The following TIAM2 variants were observed in gnomAD, a reference collection of about 807,000 sequenced individuals.
TIAM2 encodes TIAM Rac1 associated GEF 2.
TIAM2 carries 80 observed loss-of-function variants against 152.9 expected under a neutral mutation model. The observed-to-expected ratio is 0.52, with a 90% CI of 0.44 to 0.63. The LOEUF (loss-of-function observed/expected upper bound fraction) is 0.63. Among genes scored for constraint, TIAM2 ranks in the 30% least tolerant of loss-of-function variants. TIAM2 has a pLI of 0.00. For missense variants in TIAM2, 1,965 were observed against 2,120.1 expected (o/e 0.93, Z 1.44); for synonymous variants, 804 against 838.0 (o/e 0.96, Z 0.70).
intron 2 of TIAM2, among the ~76,000 whole-genome samples, chr6:155,107,026 G>C (rs1778709129): frequency 6.6e-6 from 1 of 152,192 alleles, no homozygotes; most frequent in South Asian, 2.1e-4. Context: ...TGAAGTGTTA[G>C]ACACTGTTTC....
chr6:155,161,181 G>A (rs1228854453), intron 7 of TIAM2, among the ~76,000 whole-genome samples: 1 of 151,558 alleles, frequency 6.6e-6, no homozygotes, highest in Non-Finnish European at 1.5e-5. Context: ...ATCCCTGTGT[G>A]CTCATTCCCG....
rs568358408 is a variant in TIAM2 at position 155,253,245 on chromosome 6, C to T, written c.4225+192C>T. 134 of 513,840 alleles carry T rather than the reference C, an allele frequency of 2.6e-4. No homozygotes were observed. In the South Asian group the frequency reaches 4.5e-3, roughly 17 times the overall value. The allele number at this position is 513,840 out of a possible 1,614,324, so 31.8% of individuals were successfully genotyped here. ...GGAGAAACTAAATGCTGGTGGATAGCTTTTTCTTTGCCAAATGCCTTTCAT... is the reference window on the plus strand; with the variant it reads ...GGAGAAACTAAATGCTGGTGGATAGTTTTTTCTTTGCCAAATGCCTTTCAT... On this transcript the variant is annotated intron_variant, in intron 24 of 26. Coordinates refer to ENST00000682666, the MANE Select transcript of TIAM2 (RefSeq NM_012454.4).
intron 4 of TIAM2, among the ~76,000 whole-genome samples, chr6:155,130,857 T>A (rs1312729081): frequency 6.6e-6 from 1 of 152,126 alleles, no homozygotes; most frequent in African/African-American, 2.4e-5. Flanking sequence ...TTCCTCTTCT[T>A]ATAAGGACCC....
At chr6:155,140,073 A>G (rs988260465) in intron 5 of TIAM2, among the ~76,000 whole-genome samples, 1 of 152,234 alleles carries the variant, frequency 6.6e-6, no homozygotes, top group Non-Finnish European at 1.5e-5. Context: ...AGCAAATGTG[A>G]TCTTTAGCTA....
intron 15 of TIAM2, among the ~76,000 whole-genome samples, chr6:155,236,017 A>G (rs1322733219): frequency 6.6e-6 from 1 of 152,072 alleles, no homozygotes; most frequent in African/African-American, 2.4e-5. Context: ...AGCCCTGGGA[A>G]CTGTTAGTTT....
intron 7 of TIAM2, among the ~76,000 whole-genome samples, chr6:155,161,257 G>T (rs763646856): frequency 6.6e-6 from 1 of 152,118 alleles, no homozygotes; most frequent in African/African-American, 2.4e-5. Flanking sequence ...CACATTGTTG[G>T]CTCACTGCAA....
intron 1 of TIAM2, among the ~76,000 whole-genome samples, chr6:155,072,471 G>A (rs985257429): frequency 2.0e-5 from 3 of 152,176 alleles, no homozygotes; most frequent in Non-Finnish European, 2.9e-5. Flanking sequence ...GGAGAAGCAA[G>A]CCTAGGGTAA....
At chr6:155,137,102 A>G (rs1779572796) in intron 4 of TIAM2, 75 bp from the exon 5 acceptor site, 1 of 1,485,526 alleles carries the variant, frequency 6.7e-7, no homozygotes, top group Non-Finnish European at 9.1e-7. Flanking sequence ...CTGGTATTAC[A>G]CTTATGCTGT....
At position 155,028,061 on chromosome 6, in the gene TIAM2, CTA is replaced by C. The variant is rs529566468; in HGVS notation, c.-209+32576_-209+32577del. On this transcript the variant is annotated intron_variant, in intron 1 of 26. Coordinates refer to ENST00000682666, the MANE Select transcript of TIAM2 (RefSeq NM_012454.4). ...ATATATGTACTGTGTTACATATATA[CTA>C]TATATAATATATGTACTGTGTTACA... Among the ~76,000 whole-genome samples, 15 of 117,522 alleles carry C rather than the reference CTA, an allele frequency of 1.3e-4. No homozygotes were observed. The East Asian group carries it at 3.2e-3, about 25-fold the overall frequency. The allele number at this position is 117,522 out of a possible 152,430, so 77.1% of individuals were successfully genotyped here.
At chr6:155,108,768 T>C (rs67991370) in intron 2 of TIAM2, among the ~76,000 whole-genome samples, 17,332 of 151,916 alleles carry the variant, frequency 0.11, 1,104 homozygotes, top group East Asian at 0.26. Context: ...TCTGAGATTG[T>C]GTTTGAGCAG....
intron 1 of TIAM2, among the ~76,000 whole-genome samples, chr6:155,032,625 C>G (rs777554017): frequency 6.6e-6 from 1 of 152,164 alleles, no homozygotes; most frequent in African/African-American, 2.4e-5. Flanking sequence ...ACTGCAACCT[C>G]TACCTCCCGG....
chr6:155,150,041 G>A (rs1031470365), intron 7 of TIAM2, among the ~76,000 whole-genome samples: 1 of 151,398 alleles, frequency 6.6e-6, no homozygotes, highest in South Asian at 2.1e-4. Context: ...ATTGGCAATA[G>A]CAAAATAACC....
chr6:155,112,642 G>A (rs1016621319), intron 2 of TIAM2, among the ~76,000 whole-genome samples: 2 of 152,038 alleles, frequency 1.3e-5, no homozygotes, highest in Non-Finnish European at 2.9e-5. Flanking sequence ...ACTCCAGACT[G>A]GTATTACCAC....
Position 155,066,073 on chromosome 6 carries a change from C to A in TIAM2, c.-208-24216C>A, listed in dbSNP as rs137896990. Among the ~76,000 whole-genome samples, 7 of 152,300 alleles carry A rather than the reference C, an allele frequency of 4.6e-5. No homozygotes were observed. The East Asian group carries it at 1.4e-3, about 29-fold the overall frequency. On this transcript the variant is annotated intron_variant, in intron 1 of 26. Coordinates refer to ENST00000682666, the MANE Select transcript of TIAM2 (RefSeq NM_012454.4). ...CTCTAACTCCACTCTGAAGCCTTCCCGGAAAAATGGGCTGTTTCTCCGCCA... is the reference window on the plus strand; with the variant it reads ...CTCTAACTCCACTCTGAAGCCTTCCAGGAAAAATGGGCTGTTTCTCCGCCA...
At chr6:155,061,925 G>A (rs1468017516) in intron 1 of TIAM2, among the ~76,000 whole-genome samples, 2 of 152,152 alleles carry the variant, frequency 1.3e-5, no homozygotes, top group African/African-American at 4.8e-5. Flanking sequence ...CCACAGTGCT[G>A]TACTGAACAG....
intron 5 of TIAM2, among the ~76,000 whole-genome samples, chr6:155,140,995 T>C (rs1042520375): frequency 6.6e-6 from 1 of 152,198 alleles, no homozygotes; most frequent in African/African-American, 2.4e-5. Context: ...ATTGGCAGCT[T>C]CCTGTATTTT....
At chr6:155,028,865 CTATCTATACTATGT>C (rs1562294670) in intron 1 of TIAM2, among the ~76,000 whole-genome samples, 1 of 66,692 alleles carries the variant, frequency 1.5e-5, no homozygotes. Flanking sequence ...ACTGTATATA[CTATCTATACTATGT>C]TATATATACA....
chr6:155,200,440 C>T (rs1781449796), intron 14 of TIAM2, among the ~76,000 whole-genome samples: 1 of 152,118 alleles, frequency 6.6e-6, no homozygotes, highest in African/African-American at 2.4e-5. Flanking sequence ...ACCCTGACTT[C>T]CTTATCTTCT....
intron 1 of TIAM2, among the ~76,000 whole-genome samples, chr6:155,028,893 T>A (rs1345386870): frequency 9.1e-6 from 1 of 110,312 alleles, no homozygotes; most frequent in African/African-American, 3.7e-5. Flanking sequence ...ATATACACTG[T>A]ATATACTATC....
Sources: allele counts gnomAD v4.1 joint callset (sites outside exome capture counted in the v4.1 genomes callset), GRCh38; gene constraint gnomAD v4.1.1; transcripts MANE v1.5; gene names NCBI Gene and HGNC (gene_info 2026-07-23, HGNC 2026-07-21).